Variants in WWOX observed in about 807,000 individuals in gnomAD.
The protein encoded by WWOX is WW domain-containing oxidoreductase.
Under a neutral mutation model 46.2 loss-of-function variants are expected in WWOX, and 69 were observed. That is an observed-to-expected ratio of 1.49 (90% CI 1.23 to 1.82). WWOX has a LOEUF of 1.82. WWOX is among the 40% of genes most tolerant of loss of function. The probability of loss-of-function intolerance (pLI) is 0.00; values close to 1 mark genes in which losing one functional copy is unlikely to be tolerated. For missense variants in WWOX, 919 were observed against 542.6 expected (o/e 1.69, Z -6.89); for synonymous variants, 359 against 202.6 (o/e 1.77, Z -6.56).
intron 6 of WWOX, among the ~76,000 whole-genome samples, chr16:78,409,971 A>G (rs1038675018): frequency 6.6e-6 from 1 of 152,210 alleles, no homozygotes; most frequent in Non-Finnish European, 1.5e-5. Context: ...TCTCCTGCAC[A>G]TGCCATGTTG....
intron 8 of WWOX, among the ~76,000 whole-genome samples, chr16:78,884,452 A>C (rs1180568707): frequency 6.6e-6 from 1 of 152,172 alleles, no homozygotes; most frequent in African/African-American, 2.4e-5. Flanking sequence ...GATATCTATC[A>C]GTGGTGGAAT....
chr16:78,694,613 T>C (rs1164469250), intron 8 of WWOX, among the ~76,000 whole-genome samples: 1 of 152,198 alleles, frequency 6.6e-6, no homozygotes, highest in Non-Finnish European at 1.5e-5. Flanking sequence ...TTATTCACAT[T>C]AACCAGCAAA....
At chr16:78,508,773 G>C (rs139516039) in intron 8 of WWOX, among the ~76,000 whole-genome samples, 26 of 152,184 alleles carry the variant, frequency 1.7e-4, no homozygotes, top group Admixed American at 1.2e-3. Flanking sequence ...GCCTGCAGCC[G>C]ATGTCTCTCC....
chr16:78,144,470 T>C (rs28406924), intron 4 of WWOX, among the ~76,000 whole-genome samples: 1,237 of 26,570 alleles, frequency 0.047, 263 homozygotes, highest in African/African-American at 0.2. Context: ...TATACACACA[T>C]ATATATATAT....
chr16:78,750,534 A>T (rs2049450947), intron 8 of WWOX, among the ~76,000 whole-genome samples: 1 of 151,808 alleles, frequency 6.6e-6, no homozygotes, highest in African/African-American at 2.4e-5. Context: ...TAGGTCTGTT[A>T]CATGGATATC....
intron 8 of WWOX, among the ~76,000 whole-genome samples, chr16:78,649,253 G>A (rs1428859172): frequency 3.3e-5 from 5 of 152,144 alleles, no homozygotes; most frequent in Admixed American, 1.3e-4. Context: ...CCGAAGTGCT[G>A]GGATTACAGG....
intron 8 of WWOX, chr16:78,898,213 C>T (rs1244138099): frequency 6.6e-6 from 1 of 152,078 alleles, no homozygotes; most frequent in African/African-American, 2.4e-5. Flanking sequence ...AGAACCTTTA[C>T]CAATCACCAG....
chr16:79,023,605 C>T (rs572140881), intron 8 of WWOX, among the ~76,000 whole-genome samples: 1 of 152,106 alleles, frequency 6.6e-6, no homozygotes, highest in Non-Finnish European at 1.5e-5. Context: ...ACGTTTTGGT[C>T]TGTGCTACAA....
chr16:78,831,208 T>G lies in WWOX; in HGVS notation c.1057-380400T>G, dbSNP rs565683990. On this transcript the variant is annotated intron_variant, in intron 8 of 8. Coordinates refer to ENST00000566780, the MANE Select transcript of WWOX (RefSeq NM_016373.4). ...TGTCTGAGCACCATCTCTGTGACTT[T>G]CGAGGTCATGTTTTCCCTCCAGCCC... Among the ~76,000 whole-genome samples, 178 of 139,512 alleles carry G rather than the reference T, an allele frequency of 1.3e-3. 2 individuals carry two copies. Among genetic ancestry groups the G allele is most frequent in the African/African-American group, 4.6e-3 (169 of 36,738 alleles). The allele number at this position is 139,512 out of a possible 152,430, so 91.5% of individuals were successfully genotyped here. A position where few individuals can be genotyped will look rare whatever the true frequency, so the allele number is the denominator to read the frequency against.
intron 4 of WWOX, among the ~76,000 whole-genome samples, chr16:78,160,289 C>A (rs1024823732): frequency 1.3e-5 from 2 of 151,950 alleles, no homozygotes; most frequent in African/African-American, 2.4e-5. Flanking sequence ...TGCACCACCA[C>A]GCCCAACTAA....
At chr16:78,406,339 TATATATA>T (rs1567553435) in intron 6 of WWOX, among the ~76,000 whole-genome samples, 54 of 105,916 alleles carry the variant, frequency 5.1e-4, no homozygotes, top group Middle Eastern at 4.0e-3. Flanking sequence ...TATATATATA[TATATATA>T]TATATATATT....
At chr16:78,650,382 G>A (rs2046940227) in intron 8 of WWOX, among the ~76,000 whole-genome samples, 1 of 152,102 alleles carries the variant, frequency 6.6e-6, no homozygotes, top group Admixed American at 6.6e-5. Context: ...CACTGCCCCT[G>A]TTTCAAATGA....
At chr16:79,090,707 G>C (rs1056604419) in intron 8 of WWOX, among the ~76,000 whole-genome samples, 37 of 152,318 alleles carry the variant, frequency 2.4e-4, no homozygotes, top group African/African-American at 8.9e-4. Context: ...CCCGAGTGAG[G>C]CACATGCTCG....
intron 8 of WWOX, among the ~76,000 whole-genome samples, chr16:79,095,120 T>C (rs148687449): frequency 8.0e-4 from 122 of 152,328 alleles, no homozygotes; most frequent in African/African-American, 2.9e-3. Context: ...GAGGCTTCTC[T>C]AAAAGGCTTC....
At chr16:78,635,778 G>C (rs1281130201) in intron 8 of WWOX, among the ~76,000 whole-genome samples, 1 of 152,170 alleles carries the variant, frequency 6.6e-6, no homozygotes, top group Non-Finnish European at 1.5e-5. Flanking sequence ...CCTTGAGCTG[G>C]ATGTCCATGT....
At chr16:78,901,616 T>A (rs1226423762) in intron 8 of WWOX, among the ~76,000 whole-genome samples, 1 of 152,170 alleles carries the variant, frequency 6.6e-6, no homozygotes, top group East Asian at 1.9e-4. Flanking sequence ...GCCTCCTGAG[T>A]AACTAGGACC....
intron 8 of WWOX, among the ~76,000 whole-genome samples, chr16:78,587,903 T>G (rs2151597866): frequency 6.6e-6 from 1 of 152,370 alleles, no homozygotes; most frequent in Non-Finnish European, 1.5e-5. Context: ...GCATGTTTAC[T>G]TATGGTTATG....
intron 8 of WWOX, among the ~76,000 whole-genome samples, chr16:78,878,159 C>T (rs1486729473): frequency 6.6e-6 from 1 of 152,172 alleles, no homozygotes; most frequent in African/African-American, 2.4e-5. Context: ...ATGCCTGCTT[C>T]CGAGGTGGTG....
At chr16:78,797,358 T>TA (rs57291441) in intron 8 of WWOX, among the ~76,000 whole-genome samples, 2,060 of 116,562 alleles carry the variant, frequency 0.018, 57 homozygotes, top group African/African-American at 0.065. Context: ...GTCAAAGTGG[T>TA]AAAAAAAAAA....
Sources: gnomAD v4.1 joint callset for allele counts (sites outside exome capture counted in the v4.1 genomes callset) on GRCh38, gnomAD v4.1.1 for gene constraint, MANE v1.5 for transcripts, NCBI Gene and HGNC (gene_info 2026-07-23, HGNC 2026-07-21) for gene names.